The following PLEKHG1 variants were observed in gnomAD, a reference collection of about 807,000 sequenced individuals.
PLEKHG1 encodes pleckstrin homology domain-containing family G member 1.
PLEKHG1 carries 44 observed loss-of-function variants against 100.8 expected under a neutral mutation model. The ratio of observed to expected loss-of-function variants is 0.44; its 90% CI spans 0.34 to 0.56. PLEKHG1 has a LOEUF of 0.56. PLEKHG1 is among the 20% of genes least tolerant of loss of function. The pLI, the probability that PLEKHG1 is intolerant of heterozygous loss-of-function variation, is 0.01. For synonymous variants in PLEKHG1, 640 were observed against 662.5 expected (o/e 0.97, Z 0.52); for missense variants, 1,545 against 1,720.9 (o/e 0.90, Z 1.81).
At chr6:150,626,158 G>C (rs963686045) in intron 1 of PLEKHG1, 1 of 138,276 alleles carries the variant, frequency 7.2e-6, no homozygotes, top group Non-Finnish European at 1.6e-5. Flanking sequence ...GGGGCGGGGG[G>C]CGGGGGGTCT....
rs1213046394 is a variant in PLEKHG1 at position 150,802,510 on chromosome 6, TAACAGGAAA to T, written c.780+1647_780+1655del. ...GTCAAGATCCTTACAAAAAGTTAAT[TAACAGGAAA>T]AACAGCCTTTATCCTACATTTTAAG... is the stretch of plus-strand genomic sequence containing the variant. On this transcript the variant is annotated intron_variant, in intron 6 of 15. Coordinates refer to ENST00000358517, the Ensembl canonical transcript of PLEKHG1. Among the ~76,000 whole-genome samples the T allele has an allele frequency of 5.3e-5, 8 of 152,122 alleles. No homozygotes were observed. In the South Asian group the frequency reaches 1.2e-3, roughly 24 times the overall value.
intron 2 of PLEKHG1, among the ~76,000 whole-genome samples, chr6:150,767,712 A>G (rs1289583514): frequency 6.6e-6 from 1 of 152,174 alleles, no homozygotes; most frequent in Non-Finnish European, 1.5e-5. Flanking sequence ...TGGGATTTTC[A>G]TGGTCTGCTT....
Position 150,800,712 on chromosome 6 carries a change from C to G in PLEKHG1, c.630-7C>G. On this transcript the variant is annotated splice_polypyrimidine_tract_variant and splice_region_variant and intron_variant, in intron 5 of 15. Transcript: ENST00000358517. Reference sequence around the variant, plus strand: ...AATTTAGATAAAAACATGGACTCTTCCTGCAGGTCCGTGGCTGTGCTAACA... The same window carrying G: ...AATTTAGATAAAAACATGGACTCTTGCTGCAGGTCCGTGGCTGTGCTAACA... The G allele has an allele frequency of 6.2e-7, 1 of 1,612,156 alleles. No individual in the cohort carries two copies. The highest frequency in any genetic ancestry group is 2.2e-5 in the East Asian group (1 of 44,872).
chr6:150,776,031 A>C (rs1458358752), intron 3 of PLEKHG1, among the ~76,000 whole-genome samples: 1 of 152,118 alleles, frequency 6.6e-6, no homozygotes, highest in Admixed American at 6.5e-5. Flanking sequence ...GCATCCTCGA[A>C]TCTCTCTCAG....
At chr6:150,806,404 G>T (rs997803594) in intron 7 of PLEKHG1, among the ~76,000 whole-genome samples, 2 of 151,944 alleles carry the variant, frequency 1.3e-5, no homozygotes, top group Non-Finnish European at 1.5e-5. Flanking sequence ...TTAAATGAGG[G>T]CCAGGAGTGA....
chr6:150,768,557 A>C (rs909137953), intron 2 of PLEKHG1, 81 bp from the exon 4 acceptor site: 4 of 758,742 alleles, frequency 5.3e-6, no homozygotes, highest in Non-Finnish European at 2.3e-6. Context: ...TGAAACAGAT[A>C]TGAAAGATGC....
At chr6:150,697,108 A>AAAAGAAGAAGAAG (rs71270304) in intron 3 of PLEKHG1, among the ~76,000 whole-genome samples, 27 of 147,310 alleles carry the variant, frequency 1.8e-4, no homozygotes, top group African/African-American at 2.8e-4. Context: ...AGAAAAAAAA[A>AAAAGAAGAAGAAG]AAGAAGAAGA....
intron 1 of PLEKHG1, among the ~76,000 whole-genome samples, chr6:150,626,636 A>G (rs978799761): frequency 3.3e-5 from 5 of 152,188 alleles, no homozygotes; most frequent in African/African-American, 7.2e-5. Flanking sequence ...AGGTTCATTC[A>G]TGACACCACC....
rs1776269558 is a variant in PLEKHG1 at position 150,600,090 on chromosome 6, C to A, written c.-204+73C>A. ...GGAGGGGGGACCCGGGGACCTCCGG[C>A]GGGAGCCCCACATCCGCAGGTGGGG... On this transcript the variant is annotated intron_variant, in intron 1 of 3. Coordinates refer to the PLEKHG1 transcript ENST00000367326. The surrounding 1 kb of genome is among the most constrained non-coding windows in gnomAD (Gnocchi z 6.2). The A allele has an allele frequency of 5.7e-6, 1 of 176,314 alleles. No homozygotes were observed. Among genetic ancestry groups the A allele is most frequent in the Non-Finnish European group, 1.2e-5 (1 of 80,406 alleles). The allele number at this position is 176,314 out of a possible 1,614,324, so 10.9% of individuals were successfully genotyped here.
At chr6:150,684,783 A>G (rs1780061548) in intron 3 of PLEKHG1, among the ~76,000 whole-genome samples, 1 of 151,724 alleles carries the variant, frequency 6.6e-6, no homozygotes. Flanking sequence ...TGTATCTTAC[A>G]ATAAGACAGG....
At chr6:150,708,704 C>G (rs954127660) in intron 3 of PLEKHG1, among the ~76,000 whole-genome samples, 1 of 152,146 alleles carries the variant, frequency 6.6e-6, no homozygotes, top group African/African-American at 2.4e-5. Flanking sequence ...TTTATATTAT[C>G]TATATATCAT....
At chr6:150,644,239 C>G (rs1178997024) in intron 2 of PLEKHG1, among the ~76,000 whole-genome samples, 2 of 151,514 alleles carry the variant, frequency 1.3e-5, no homozygotes, top group African/African-American at 4.9e-5. Context: ...TATAGCATGC[C>G]AGAACCAGAA....
At chr6:150,644,334 G>GGTTTTTTTTTTTTTTTT (rs1554255840) in intron 2 of PLEKHG1, among the ~76,000 whole-genome samples, 69 of 117,590 alleles carry the variant, frequency 5.9e-4, no homozygotes, top group African/African-American at 1.4e-3. Context: ...TTCTTTTCGT[G>GGTTTTTTTTTTTTTTTT]TTTTTTTTTT....
At chr6:150,751,914 C>T (rs1052027040) in intron 2 of PLEKHG1, among the ~76,000 whole-genome samples, 2 of 152,132 alleles carry the variant, frequency 1.3e-5, no homozygotes, top group African/African-American at 4.8e-5. Context: ...AGTGGCCGGG[C>T]GAGGTGGCTC....
chr6:150,658,481 G>T (rs1238174285), intron 3 of PLEKHG1, among the ~76,000 whole-genome samples: 1 of 152,126 alleles, frequency 6.6e-6, no homozygotes, highest in Non-Finnish European at 1.5e-5. Flanking sequence ...ACGGAGTTCA[G>T]CAATTTCCCA....
chr6:150,681,629 T>G (rs1330825283), intron 3 of PLEKHG1, among the ~76,000 whole-genome samples: 1 of 152,076 alleles, frequency 6.6e-6, no homozygotes, highest in African/African-American at 2.4e-5. Flanking sequence ...TGATTCCACA[T>G]CCTCCAAATT....
chr6:150,673,556 A>G (rs1240019702), intron 3 of PLEKHG1, among the ~76,000 whole-genome samples: 1 of 152,196 alleles, frequency 6.6e-6, no homozygotes, highest in African/African-American at 2.4e-5. Context: ...GGAAAGCCAA[A>G]GCCCTTAATG....
intron 3 of PLEKHG1, among the ~76,000 whole-genome samples, chr6:150,659,596 A>G (rs1011173311): frequency 6.6e-6 from 1 of 152,296 alleles, no homozygotes. Flanking sequence ...GGAGCTATGG[A>G]GCAGCAGCGG....
At chr6:150,808,797 C>T (rs1787300642) in intron 7 of PLEKHG1, among the ~76,000 whole-genome samples, 1 of 151,914 alleles carries the variant, frequency 6.6e-6, no homozygotes, top group South Asian at 2.1e-4. Context: ...AGAGGCCATA[C>T]TGGTGGCCCC....
Sources: gnomAD v4.1 joint callset for allele counts (sites outside exome capture counted in the v4.1 genomes callset) on GRCh38, gnomAD v4.1.1 for gene constraint, Gnocchi (gnomAD v3.1) non-coding constraint, MANE v1.5 for transcripts, NCBI Gene and HGNC (gene_info 2026-07-23, HGNC 2026-07-21) for gene names.